Variants in BCL7C observed in about 807,000 individuals in gnomAD.
BCL7C encodes B-cell CLL/lymphoma 7 protein family member C.
In BCL7C, 8 loss-of-function variants were observed where a neutral mutation model predicts 26.2. The observed-to-expected ratio is 0.30, with a 90% CI of 0.18 to 0.55. The LOEUF (loss-of-function observed/expected upper bound fraction) is 0.55. BCL7C is among the 20% of genes least tolerant of loss of function. The pLI is 0.93. For synonymous variants in BCL7C, 90 were observed against 116.5 expected (o/e 0.77, Z 1.47); for missense variants, 262 against 298.5 (o/e 0.88, Z 0.90).
intron 5 of BCL7C, among the ~76,000 whole-genome samples, chr16:30,866,157 C>T (rs1315430494): frequency 5.9e-5 from 9 of 152,000 alleles, no homozygotes; most frequent in East Asian, 1.9e-4. Context: ...CTAAAGGCAG[C>T]GTCTTTCAGG....
At position 30,891,790 on chromosome 16, in the gene BCL7C, C is replaced by T. The variant is rs138035101; in HGVS notation, c.442+796G>A. ...AACCAACCTTGGCAACATAGCGAGA[C>T]CCTACCTCTACAAAAAATTTAAGAA... On this transcript the variant is annotated intron_variant, in intron 4 of 5. Transcript: ENST00000215115. 1.2e-3 allele frequency among the ~76,000 whole-genome samples: 186 copies of T among 152,086 alleles called. 1 individual carries two copies. The highest frequency in any genetic ancestry group is 3.0e-3 in the Admixed American group (46 of 15,266).
chr16:30,885,578 A>G (rs979378731), downstream of BCL7C, among the ~76,000 whole-genome samples: 1 of 151,872 alleles, frequency 6.6e-6, no homozygotes, highest in Non-Finnish European at 1.5e-5. Context: ...CAACTTTTGT[A>G]TTTTTAGTAG....
chr16:30,847,053 T>C (rs1057304127), intron 5 of BCL7C, among the ~76,000 whole-genome samples: 1 of 152,196 alleles, frequency 6.6e-6, no homozygotes, highest in African/African-American at 2.4e-5. Flanking sequence ...GTCTATTCAC[T>C]CTCAGCTCAA....
downstream of BCL7C, among the ~76,000 whole-genome samples, chr16:30,884,182 G>C (rs2055089593): frequency 6.6e-6 from 1 of 151,366 alleles, no homozygotes; most frequent in Admixed American, 6.6e-5. Context: ...GGCATGCCTG[G>C]GGGGAATCAG....
intron 5 of BCL7C, among the ~76,000 whole-genome samples, chr16:30,848,617 C>T (rs1038718068): frequency 1.3e-5 from 2 of 152,056 alleles, no homozygotes; most frequent in Non-Finnish European, 2.9e-5. Context: ...AGGCCAGGTG[C>T]GGTGACTCAC....
At chr16:30,888,214 G>C (rs530393258) in intron 5 of BCL7C, among the ~76,000 whole-genome samples, 1 of 152,210 alleles carries the variant, frequency 6.6e-6, no homozygotes, top group South Asian at 2.1e-4. Flanking sequence ...AAAATGCCTC[G>C]AGGTAGCCTC....
chr16:30,838,364 G>T (rs1254986455), intron 5 of BCL7C, among the ~76,000 whole-genome samples: 1 of 152,220 alleles, frequency 6.6e-6, no homozygotes, highest in Non-Finnish European at 1.5e-5. Context: ...AGGTAGCTAG[G>T]TAGGTAGGTA....
chr16:30,860,268 G>T (rs1434934053), intron 5 of BCL7C, among the ~76,000 whole-genome samples: 1 of 152,174 alleles, frequency 6.6e-6, no homozygotes, highest in African/African-American at 2.4e-5. Flanking sequence ...CATTTCATTG[G>T]TGTCTGATCA....
At chr16:30,861,394 G>T (rs113336878) in intron 5 of BCL7C, among the ~76,000 whole-genome samples, 9 of 152,258 alleles carry the variant, frequency 5.9e-5, no homozygotes, top group African/African-American at 2.2e-4. Flanking sequence ...CTGCAGCCAG[G>T]CGTTCCTCCA....
intron 5 of BCL7C, among the ~76,000 whole-genome samples, chr16:30,862,150 T>A (rs905973628): frequency 6.6e-6 from 1 of 152,102 alleles, no homozygotes. Flanking sequence ...CAACATTCTT[T>A]TATGCACTCC....
chr16:30,872,531 G>C (rs868031243), intron 5 of BCL7C, among the ~76,000 whole-genome samples: 2 of 152,210 alleles, frequency 1.3e-5, no homozygotes, highest in African/African-American at 4.8e-5. Context: ...GTGTGCCGTT[G>C]AGAGAGGGTG....
intron 5 of BCL7C, among the ~76,000 whole-genome samples, chr16:30,878,383 A>T (rs1425634042): frequency 1.6e-5 from 2 of 122,680 alleles, no homozygotes; most frequent in African/African-American, 2.5e-5. Flanking sequence ...AAAAAAATTT[A>T]AAAAAATTAG....
intron 5 of BCL7C, among the ~76,000 whole-genome samples, chr16:30,850,878 C>T (rs1004160508): frequency 4.6e-5 from 7 of 152,078 alleles, no homozygotes; most frequent in Non-Finnish European, 1.0e-4. Context: ...ACTAAATTTA[C>T]AAAAAAGATT....
Position 30,848,959 on chromosome 16 carries a change from G to A in BCL7C, c.529-13811C>T, listed in dbSNP as rs1596815668. On this transcript the variant is annotated intron_variant, in intron 5 of 5. Coordinates refer to the BCL7C transcript ENST00000380317. Reference sequence around the variant, plus strand: ...TCCCAGCACTTTGAGAGGCCGAGGCGGGTGGATCACGAGGTCAAGAGATTG... The same window carrying A: ...TCCCAGCACTTTGAGAGGCCGAGGCAGGTGGATCACGAGGTCAAGAGATTG... Among the ~76,000 whole-genome samples the A allele has an allele frequency of 2.0e-5, 3 of 151,762 alleles. No individual in the cohort carries two copies. The East Asian group carries it at 5.8e-4, about 29-fold the overall frequency.
intron 5 of BCL7C, among the ~76,000 whole-genome samples, chr16:30,836,471 C>CTTTTTTTTTTTTTTTTTTTTTTTTTTT: frequency 8.5e-6 from 1 of 116,962 alleles, no homozygotes; most frequent in Non-Finnish European, 1.8e-5. Context: ...GAGACCCTGT[C>CTTTTTTTTTTTTTTTTTTTTTTTTTTT]TTTTTTTTTT....
At position 30,892,662 on chromosome 16, in the gene BCL7C, G is replaced by C; in HGVS notation, c.366C>G (p.Ser122Arg). ...GGGGTCCGGCAGGTGACACAGGGCG[G>C]CTGGGCTGGGGGGTGCCCCCAGGAC... ...EPSPGGTPQP[S>R]RPVSPAGPPE... is the part of the protein sequence containing the mutation. The change falls in exon 4 of 6, where the codon AGC (serine) becomes AGG (arginine). Residue 122 changes from serine (S) to arginine (R), a missense_variant. Coordinates refer to ENST00000215115, the MANE Select transcript of BCL7C (RefSeq NM_004765.4). 1 of 1,613,730 alleles carries C rather than the reference G, an allele frequency of 6.2e-7. No individual in the cohort carries two copies. Among genetic ancestry groups the C allele is most frequent in the Non-Finnish European group, 8.5e-7 (1 of 1,179,826 alleles).
Position 30,893,334 on chromosome 16 carries a change from A to C in BCL7C, c.93-44T>G. On this transcript the variant is annotated intron_variant, in intron 1 of 5. Transcript: ENST00000215115. The surrounding 1 kb of genome is among the most constrained non-coding windows in gnomAD (Gnocchi z 5.2). ...CTGGGTCAGAGAGGCCTGAGGGGAG[A>C]CCCACCCCCCTAGGAGCTGGACACA... The C allele has an allele frequency of 6.5e-7, 1 of 1,532,696 alleles. No homozygotes were observed. The highest frequency in any genetic ancestry group is 9.0e-7 in the Non-Finnish European group (1 of 1,115,838). 94.9% of individuals were successfully genotyped at this position (1,532,696 alleles called of 1,614,324 possible). A position where few individuals can be genotyped will look rare whatever the true frequency, so the allele number is the denominator to read the frequency against.
At position 30,893,430 on chromosome 16, in the gene BCL7C, C is replaced by T; in HGVS notation, c.93-140G>A. 13 of 638,638 alleles carry T rather than the reference C, an allele frequency of 2.0e-5. No individual in the cohort carries two copies. Among genetic ancestry groups the T allele is most frequent in the Non-Finnish European group, 3.5e-5 (13 of 367,266 alleles). The allele number at this position is 638,638 out of a possible 1,614,324, so 39.6% of individuals were successfully genotyped here. On this transcript the variant is annotated intron_variant, in intron 1 of 5. Coordinates refer to ENST00000215115, the MANE Select transcript of BCL7C (RefSeq NM_004765.4). This position sits in a 1 kb window ranked among gnomAD's most constrained non-coding sequence, Gnocchi z 5.2. The stretch of plus-strand genomic sequence containing the variant: ...CAGTTTTGCTAATGGGGCATAGTTA[C>T]ATGGAGGAAGAGAGTCCTGCAAACC...
intron 5 of BCL7C, among the ~76,000 whole-genome samples, chr16:30,854,558 T>G (rs909901456): frequency 5.9e-5 from 9 of 152,178 alleles, no homozygotes; most frequent in African/African-American, 1.9e-4. Flanking sequence ...GAAAGTTCTC[T>G]TAGGCATCCA....
Sources: allele counts gnomAD v4.1 joint callset (sites outside exome capture counted in the v4.1 genomes callset), GRCh38; gene constraint gnomAD v4.1.1; non-coding constraint Gnocchi (gnomAD v3.1); transcripts MANE v1.5; gene names NCBI Gene and HGNC (gene_info 2026-07-23, HGNC 2026-07-21).